Variants in PTCD2 observed in about 807,000 individuals in gnomAD.
PTCD2 encodes the protein pentatricopeptide repeat-containing protein 2, mitochondrial.
PTCD2 carries 31 observed loss-of-function variants against 42.6 expected under a neutral mutation model. The ratio of observed to expected loss-of-function variants is 0.73; its 90% CI spans 0.55 to 0.98. PTCD2 has a LOEUF of 0.98. Among genes scored for constraint, PTCD2 ranks in the 50% least tolerant of loss-of-function variants. The probability of loss-of-function intolerance (pLI) is 0.00; values close to 1 mark genes in which losing one functional copy is unlikely to be tolerated. For synonymous variants in PTCD2, 183 were observed against 170.9 expected (o/e 1.07, Z -0.55); for missense variants, 476 against 454.8 (o/e 1.05, Z -0.42).
At chr5:72,335,413 C>T (rs867918976) in intron 5 of PTCD2, 4 of 213,838 alleles carry the variant, frequency 1.9e-5, no homozygotes, top group Non-Finnish European at 3.5e-5. Flanking sequence ...TGCGCCACTG[C>T]AGTCCGCAGT....
chr5:72,334,387 C>T (rs1751614055), intron 4 of PTCD2, among the ~76,000 whole-genome samples: 1 of 152,144 alleles, frequency 6.6e-6, no homozygotes, highest in Admixed American at 6.5e-5. Flanking sequence ...ACCTAGTTTC[C>T]AGGACCACTC....
In PTCD2 at chr5:72,365,399, A is replaced by G. The variant is rs1042395462; in HGVS notation, c.*6972A>G. 2 of 152,200 alleles carry G rather than the reference A, an allele frequency of 1.3e-5. No individual in the cohort carries two copies. Among genetic ancestry groups the G allele is most frequent in the South Asian group, 2.1e-4 (1 of 4,822 alleles). 9.4% of individuals were successfully genotyped at this position (152,200 alleles called of 1,614,324 possible). A position where few individuals can be genotyped will look rare whatever the true frequency, so the allele number is the denominator to read the frequency against. ...GAGCACAGCATCACCCTGTCTTTCAATCCCCAAAGTAGCCCTTACCCCTAG... is the reference window on the plus strand; with the variant it reads ...GAGCACAGCATCACCCTGTCTTTCAGTCCCCAAAGTAGCCCTTACCCCTAG... On this transcript the variant is annotated 3_prime_UTR_variant, in exon 10 of 10. Coordinates refer to ENST00000380639, the MANE Select transcript of PTCD2 (RefSeq NM_024754.5).
intron 6 of PTCD2, among the ~76,000 whole-genome samples, chr5:72,338,014 A>G (rs529213058): frequency 1.3e-3 from 196 of 152,292 alleles, no homozygotes; most frequent in African/African-American, 4.6e-3. Context: ...ACAGATGACA[A>G]AGTTGCACAG....
chr5:72,320,437 C>T lies in PTCD2; in HGVS notation c.55C>T (p.Gln19Ter), dbSNP rs779856513. 6.2e-7 allele frequency: 1 copy of T among 1,614,138 alleles called. No individual in the cohort carries two copies. The highest frequency in any genetic ancestry group is 1.1e-5 in the South Asian group (1 of 91,078). ...AFRPSNRVLL[Q>*]ALQILVYPGV... is the part of the protein sequence containing the mutation. ...TCGGCCCTCGAATCGAGTTCTCCTG[C>T]AGGCGCTGCAGATTTTGGTGTATCC... Residue 19 changes from glutamine to a stop codon, truncating the protein, a stop_gained, in exon 1 of 10, where the codon CAG becomes TAG. Transcript: ENST00000380639. LOFTEE classifies it high-confidence loss of function.
intron 8 of PTCD2, among the ~76,000 whole-genome samples, chr5:72,344,654 G>A (rs10942276): frequency 0.072 from 11,006 of 152,180 alleles, 632 homozygotes; most frequent in East Asian, 0.3. Flanking sequence ...CAATAGTCAC[G>A]TAGGTTCTTT....
chr5:72,351,798 C>T (rs537046971), intron 8 of PTCD2, among the ~76,000 whole-genome samples: 3 of 152,088 alleles, frequency 2.0e-5, no homozygotes, highest in Admixed American at 6.5e-5. Context: ...GATTATCATT[C>T]GAGATGAAAT....
At chr5:72,336,710 C>CAAA (rs57573366) in intron 6 of PTCD2, among the ~76,000 whole-genome samples, 4 of 86,574 alleles carry the variant, frequency 4.6e-5, no homozygotes, top group Non-Finnish European at 4.6e-5. Flanking sequence ...GACTCTGTCT[C>CAAA]AAAAAAAAAA....
At chr5:72,325,821 G>C (rs1177061463) in intron 2 of PTCD2, among the ~76,000 whole-genome samples, 1 of 152,174 alleles carries the variant, frequency 6.6e-6, no homozygotes, top group East Asian at 1.9e-4. Flanking sequence ...CTTGGTTGGT[G>C]CCTGCTTTGC....
rs1284115920 is a variant in PTCD2, at chr5:72,320,458, T to C, written c.76T>C (p.Tyr26His). The change falls in exon 1 of 10, where the codon TAT (tyrosine) becomes CAT (histidine). Residue 26 changes from tyrosine (Y) to histidine (H), a missense_variant. Transcript: ENST00000380639. ...CCTGCAGGCGCTGCAGATTTTGGTGTATCCTGGGGTGGGAGGCTCCGGCTC... is the reference window on the plus strand; with the variant it reads ...CCTGCAGGCGCTGCAGATTTTGGTGCATCCTGGGGTGGGAGGCTCCGGCTC... ...VLLQALQILV[Y>H]PGVGGSGSVS... is the part of the protein sequence containing the mutation. 1.2e-6 allele frequency: 2 copies of C among 1,613,862 alleles called. No homozygotes were observed. Among genetic ancestry groups the C allele is most frequent in the Non-Finnish European group, 1.7e-6 (2 of 1,180,002 alleles).
chr5:72,321,828 T>A (rs999136781), intron 1 of PTCD2, among the ~76,000 whole-genome samples: 12 of 152,134 alleles, frequency 7.9e-5, no homozygotes, highest in South Asian at 2.1e-4. Context: ...GTTTTTTTTT[T>A]AAATGCCCTT....
chr5:72,346,114 A>G (rs1049998671), intron 8 of PTCD2, among the ~76,000 whole-genome samples: 1 of 152,210 alleles, frequency 6.6e-6, no homozygotes, highest in African/African-American at 2.4e-5. Flanking sequence ...ACTTTTCAAA[A>G]TGCTTTTACA....
At position 72,326,841 on chromosome 5, in the gene PTCD2, C is replaced by T. The variant is rs909564371; in HGVS notation, c.350+100C>T. Reference sequence around the variant, plus strand: ...CTTCGAAGTTGTTGCCACCTCTATACTAGTGACTTCCAGATCTCTTGTTCG... The same window carrying T: ...CTTCGAAGTTGTTGCCACCTCTATATTAGTGACTTCCAGATCTCTTGTTCG... On this transcript the variant is annotated intron_variant, in intron 3 of 9. Coordinates refer to ENST00000380639, the MANE Select transcript of PTCD2 (RefSeq NM_024754.5). The T allele has an allele frequency of 2.3e-5, 27 of 1,175,296 alleles. No homozygotes were observed. The African/African-American group carries it at 3.7e-4, about 16-fold the overall frequency. 72.8% of individuals were successfully genotyped at this position (1,175,296 alleles called of 1,614,324 possible). A position where few individuals can be genotyped will look rare whatever the true frequency, so the allele number is the denominator to read the frequency against.
chr5:72,335,324 C>T (rs1456593605), intron 5 of PTCD2, among the ~76,000 whole-genome samples: 1 of 151,952 alleles, frequency 6.6e-6, no homozygotes, highest in East Asian at 1.9e-4. Flanking sequence ...TGGCGGGCGC[C>T]TGTAGTCCCA....
chr5:72,358,107 A>T (rs1313600274), intron 9 of PTCD2, 96 bp from the exon 10 acceptor site: 6 of 1,154,984 alleles, frequency 5.2e-6, no homozygotes, highest in Non-Finnish European at 7.5e-6. Flanking sequence ...CCTACCATAC[A>T]TTTTTGTTCA....
chr5:72,350,635 CCTGGGCTTTAGAACA>C (rs1468939433), intron 8 of PTCD2, among the ~76,000 whole-genome samples: 1 of 152,156 alleles, frequency 6.6e-6, no homozygotes, highest in African/African-American at 2.4e-5. Context: ...CGTGATTTTG[CCTGGGCTTTAGAACA>C]CTGAATTTAA....
chr5:72,329,009 A>G (rs1269274488), intron 3 of PTCD2, among the ~76,000 whole-genome samples: 2 of 152,200 alleles, frequency 1.3e-5, no homozygotes, highest in Non-Finnish European at 2.9e-5. Context: ...TACAAACTTA[A>G]TTCCGTATTT....
At chr5:72,344,131 G>A (rs1374430023) in intron 8 of PTCD2, among the ~76,000 whole-genome samples, 5 of 152,206 alleles carry the variant, frequency 3.3e-5, no homozygotes, top group Non-Finnish European at 4.4e-5. Flanking sequence ...CAGTGCTCTA[G>A]AGGAGGACAG....
intron 8 of PTCD2, among the ~76,000 whole-genome samples, chr5:72,344,473 A>G (rs2112197016): frequency 6.6e-6 from 1 of 152,282 alleles, no homozygotes; most frequent in South Asian, 2.1e-4. Flanking sequence ...AAATTGCGCC[A>G]CTACACTCCA....
intron 8 of PTCD2, among the ~76,000 whole-genome samples, chr5:72,349,455 G>A (rs1031686401): frequency 6.6e-6 from 1 of 152,126 alleles, no homozygotes; most frequent in African/African-American, 2.4e-5. Context: ...ATGGATATTG[G>A]TTAGAAAACT....
Sources: gnomAD v4.1 joint callset for allele counts (sites outside exome capture counted in the v4.1 genomes callset) on GRCh38, gnomAD v4.1.1 for gene constraint, MANE v1.5 for transcripts, NCBI Gene and HGNC (gene_info 2026-07-23, HGNC 2026-07-21) for gene names.